SLC45A4: variants seen among roughly 807,000 people sequenced by gnomAD.
The protein encoded by SLC45A4 is solute carrier family 45 member 4, also known as polyamine-transporter SLC45A4.
SLC45A4 carries 32 observed loss-of-function variants against 63.7 expected under a neutral mutation model. The ratio of observed to expected loss-of-function variants is 0.50; its 90% confidence interval spans 0.38 to 0.67. The LOEUF is 0.67. Among genes scored for constraint, SLC45A4 ranks in the 30% least tolerant of loss-of-function variants. SLC45A4 has a pLI of 0.00. For missense variants in SLC45A4, 1,027 were observed against 1,157.7 expected (o/e 0.89, Z 1.64); for synonymous variants, 535 against 510.0 (o/e 1.05, Z -0.66).
At chr8:141,287,679 G>A (rs896654328) in intron 1 of SLC45A4, among the ~76,000 whole-genome samples, 3 of 152,250 alleles carry the variant, frequency 2.0e-5, no homozygotes, top group African/African-American at 7.2e-5. Context: ...GGTGAAAAGT[G>A]CCTCCTTTCA....
intron 1 of SLC45A4, among the ~76,000 whole-genome samples, chr8:141,284,341 C>G (rs1259334463): frequency 6.6e-6 from 1 of 152,208 alleles, no homozygotes; most frequent in Non-Finnish European, 1.5e-5. Context: ...CTTGAGGGCA[C>G]CTGCCCAGCG....
intron 1 of SLC45A4, among the ~76,000 whole-genome samples, chr8:141,301,195 A>G (rs1830732735): frequency 6.6e-6 from 1 of 152,222 alleles, no homozygotes; most frequent in Non-Finnish European, 1.5e-5. Context: ...ACCCGGTACC[A>G]GGGACAGTTC....
chr8:141,294,505 G>A (rs994817855), intron 1 of SLC45A4, among the ~76,000 whole-genome samples: 3 of 152,206 alleles, frequency 2.0e-5, no homozygotes, highest in Non-Finnish European at 2.9e-5. Context: ...TGGGACACAC[G>A]GTCCCTGCTG....
chr8:141,220,665 G>A (rs999138478), intron 3 of SLC45A4, among the ~76,000 whole-genome samples: 3 of 152,362 alleles, frequency 2.0e-5, no homozygotes, highest in African/African-American at 7.2e-5. Flanking sequence ...CGCGGGAGAA[G>A]GGCTTTCTGC....
intron 2 of SLC45A4, among the ~76,000 whole-genome samples, chr8:141,237,253 C>CA (rs1827675331): frequency 6.6e-6 from 1 of 152,160 alleles, no homozygotes; most frequent in South Asian, 2.1e-4. Context: ...CCTGGAGTGG[C>CA]ACGTAAGGCC....
In SLC45A4 at chr8:141,241,737, T is replaced by G. The variant is rs1827929873; in HGVS notation, c.241+12252A>C. Among the ~76,000 whole-genome samples, 3 of 152,200 alleles carry G rather than the reference T, an allele frequency of 2.0e-5. No homozygotes were observed. In the South Asian group the frequency reaches 6.2e-4, roughly 32 times the overall value. On this transcript the variant is annotated intron_variant, in intron 2 of 8. Coordinates refer to ENST00000517878, the MANE Select transcript of SLC45A4 (RefSeq NM_001286646.2). The stretch of plus-strand genomic sequence containing the variant: ...CAGCCAGAGGTCTGGGCACCCCCAC[T>G]GCCTCCAAGCCTTTCCTCCCAGGCC...
chr8:141,218,179 C>G lies in SLC45A4; in HGVS notation c.1461G>C (p.Glu487Asp). The change falls in exon 5 of 9, where the codon GAG becomes GAC. Residue 487 changes from glutamate (E) to aspartate (D), a missense_variant. Coordinates refer to ENST00000517878, the MANE Select transcript of SLC45A4 (RefSeq NM_001286646.2). The part of the protein sequence containing the change: ...TTSSGDTESE[E>D]GEGETTVRLL... ...GGCGCACCGTGGTCTCGCCCTCCCC[C>G]TCCTCACTCTCGGTGTCCCCGCTGG... 2 of 1,605,484 alleles carry G rather than the reference C, an allele frequency of 1.2e-6. No homozygotes were observed. The highest frequency in any genetic ancestry group is 1.7e-6 in the Non-Finnish European group (2 of 1,179,904).
In SLC45A4 at chr8:141,256,333, T is replaced by C; in HGVS notation, c.-400-1704A>G. The C allele has an allele frequency of 2.9e-6, 1 of 348,434 alleles. No individual in the cohort carries two copies. The highest frequency in any genetic ancestry group is 5.7e-6 in the Non-Finnish European group (1 of 174,748). The allele number at this position is 348,434 out of a possible 1,614,324, so 21.6% of individuals were successfully genotyped here. On this transcript the variant is annotated intron_variant, in intron 1 of 8. Transcript: ENST00000517878. This position sits in a 1 kb window ranked among gnomAD's most constrained non-coding sequence, Gnocchi z 4.3. ...ATATTAAGGTAGGTCTATGGGCCAA[T>C]ACCTTACTGAGAATTTTTCCAACAA...
intron 1 of SLC45A4, among the ~76,000 whole-genome samples, chr8:141,284,426 TC>T (rs1381486421): frequency 2.0e-5 from 3 of 152,168 alleles, no homozygotes; most frequent in African/African-American, 7.2e-5. Flanking sequence ...TCCACGGCCA[TC>T]CGGGGAAGGA....
At chr8:141,271,909 C>T (rs567989151) in intron 1 of SLC45A4, among the ~76,000 whole-genome samples, 36 of 151,928 alleles carry the variant, frequency 2.4e-4, no homozygotes, top group South Asian at 1.2e-3. Flanking sequence ...CACATACATG[C>T]GCTCACACGT....
At chr8:141,263,498 T>C (rs1017921601) in intron 1 of SLC45A4, among the ~76,000 whole-genome samples, 9 of 152,148 alleles carry the variant, frequency 5.9e-5, no homozygotes, top group African/African-American at 2.2e-4. Context: ...CCGGGCGCAG[T>C]GGCTCATGCC....
chr8:141,248,164 A>T (rs1286105132), intron 2 of SLC45A4, among the ~76,000 whole-genome samples: 2 of 152,250 alleles, frequency 1.3e-5, no homozygotes, highest in Non-Finnish European at 2.9e-5. Context: ...CTTAAAAAAG[A>T]CTTCAGGTCA....
In SLC45A4 at chr8:141,220,814, C is replaced by T. The variant is rs139426871; in HGVS notation, c.430+763G>A. Among the ~76,000 whole-genome samples the T allele has an allele frequency of 1.7e-3, 265 of 152,356 alleles. 3 individuals carry two copies. The highest frequency in any genetic ancestry group is 2.9e-3 in the Admixed American group (45 of 15,312). On this transcript the variant is annotated intron_variant, in intron 3 of 8. Coordinates refer to ENST00000517878, the MANE Select transcript of SLC45A4 (RefSeq NM_001286646.2). ...CCAAGGACACAGCCCTGGGAAGCCA[C>T]GTTGTTCCAGCAGGGAGGGGAGGGC...
At chr8:141,286,007 C>A (rs539460212) in intron 1 of SLC45A4, among the ~76,000 whole-genome samples, 1 of 152,182 alleles carries the variant, frequency 6.6e-6, no homozygotes, top group Non-Finnish European at 1.5e-5. Context: ...CAGACGTGAG[C>A]GGCACCTCGT....
rs560146307 is a variant in SLC45A4 at position 141,292,219 on chromosome 8, G to A, written c.-401+15877C>T. Among the ~76,000 whole-genome samples the A allele has an allele frequency of 2.0e-5, 3 of 152,338 alleles. No homozygotes were observed. The South Asian group carries it at 6.2e-4, about 32-fold the overall frequency. On this transcript the variant is annotated intron_variant, in intron 1 of 8. Transcript: ENST00000517878. ...ACAGGAGAAAACGGCTCACACTCAG[G>A]AGACCTGCATACATCCCCGACCAGG...
intron 1 of SLC45A4, among the ~76,000 whole-genome samples, chr8:141,263,659 A>G (rs1829134825): frequency 6.6e-6 from 1 of 151,350 alleles, no homozygotes; most frequent in African/African-American, 2.4e-5. Flanking sequence ...AATCCCAGCT[A>G]CTGGGGAGGC....
chr8:141,302,359 T>TCACCAC (rs1225085908), intron 1 of SLC45A4, among the ~76,000 whole-genome samples: 8 of 145,402 alleles, frequency 5.5e-5, no homozygotes, highest in South Asian at 2.1e-4. Context: ...CCACTCACCA[T>TCACCAC]CACCACCACC....
At chr8:141,239,194 C>A (rs1386475687) in intron 2 of SLC45A4, among the ~76,000 whole-genome samples, 2 of 152,112 alleles carry the variant, frequency 1.3e-5, no homozygotes, top group East Asian at 3.8e-4. Flanking sequence ...ATTATTCCTG[C>A]CAAAAAGGAA....
chr8:141,263,893 G>A (rs1055424881), intron 1 of SLC45A4, among the ~76,000 whole-genome samples: 1 of 152,172 alleles, frequency 6.6e-6, no homozygotes. Context: ...AAGATCTAGA[G>A]GGTGGAACTG....
Sources: gnomAD v4.1 joint callset for allele counts (sites outside exome capture counted in the v4.1 genomes callset) on GRCh38, gnomAD v4.1.1 for gene constraint, Gnocchi (gnomAD v3.1) non-coding constraint, MANE v1.5 for transcripts, NCBI Gene and HGNC (gene_info 2026-07-23, HGNC 2026-07-21) for gene names.